DNAH5: variants seen among roughly 807,000 people sequenced by gnomAD.
DNAH5 encodes the protein dynein axonemal heavy chain 5, also known as axonemal beta dynein heavy chain 5.
A neutral mutation model predicts 518.2 loss-of-function variants in DNAH5; 372 were observed. The observed-to-expected ratio is 0.72, with a 90% CI of 0.66 to 0.78. DNAH5 has a LOEUF of 0.78. Among genes scored for constraint, DNAH5 ranks in the 30% least tolerant of loss-of-function variants. The pLI, the probability that DNAH5 is intolerant of heterozygous loss-of-function variation, is 0.00. For synonymous variants in DNAH5, 2,039 were observed against 2,025.9 expected (o/e 1.01, Z -0.17); for missense variants, 5,523 against 5,687.0 (o/e 0.97, Z 0.93).
intron 1 of DNAH5, among the ~76,000 whole-genome samples, chr5:13,941,181 C>T (rs1412950880): frequency 6.6e-6 from 1 of 152,078 alleles, no homozygotes; most frequent in Non-Finnish European, 1.5e-5. Context: ...AGCAAGACTC[C>T]ATCTCTACAA....
At chr5:13,901,988 A>C in intron 13 of DNAH5, 65 bp downstream of exon 13, 7 of 1,106,598 alleles carry the variant, frequency 6.3e-6, no homozygotes, top group Non-Finnish European at 9.3e-6. Flanking sequence ...TAATAATAGG[A>C]ATAACAACAA....
At chr5:13,776,729 C>A (rs199995725) in intron 54 of DNAH5, 23 bp from the exon 55 acceptor site, 2 of 1,612,614 alleles carry the variant, frequency 1.2e-6, no homozygotes, top group Non-Finnish European at 1.7e-6. Context: ...TACAGGCATG[C>A]AAATTCAGTA....
intron 76 of DNAH5, among the ~76,000 whole-genome samples, chr5:13,703,591 C>T (rs1742410013): frequency 6.6e-6 from 1 of 152,190 alleles, no homozygotes; most frequent in African/African-American, 2.4e-5. Flanking sequence ...CCCTGATGTC[C>T]ATTCCATTTC....
At chr5:13,876,982 A>G (rs537671537) in intron 21 of DNAH5, among the ~76,000 whole-genome samples, 165 bp from the exon 22 acceptor site, 1 of 152,166 alleles carries the variant, frequency 6.6e-6, no homozygotes, top group Non-Finnish European at 1.5e-5. Flanking sequence ...ACTTTTCAGG[A>G]CTCTGTAAAT....
chr5:13,989,700 A>T lies in DNAH5; in HGVS notation c.12+21948T>A, dbSNP rs577965089. ...GGGTTTCACCGTATTAGCCAGGATGATCTCGATCTCCTGACCTCGTAATCC... is the reference window on the plus strand; with the variant it reads ...GGGTTTCACCGTATTAGCCAGGATGTTCTCGATCTCCTGACCTCGTAATCC... On this transcript the variant is annotated intron_variant, in intron 1 of 78. Coordinates refer to the DNAH5 transcript ENST00000681290. Among the ~76,000 whole-genome samples the T allele has an allele frequency of 3.9e-5, 6 of 152,054 alleles. No homozygotes were observed. The East Asian group carries it at 1.2e-3, about 29-fold the overall frequency.
intron 1 of DNAH5, among the ~76,000 whole-genome samples, chr5:13,962,243 G>T (rs1781233830): frequency 6.6e-6 from 1 of 152,042 alleles, no homozygotes; most frequent in Admixed American, 6.6e-5. Flanking sequence ...CTGACTTATT[G>T]TATGTAAATT....
At chr5:13,824,580 G>C (rs907003162) in intron 38 of DNAH5, among the ~76,000 whole-genome samples, 2 of 152,146 alleles carry the variant, frequency 1.3e-5, no homozygotes, top group African/African-American at 4.8e-5. Flanking sequence ...AGCTGCTACA[G>C]CTTGGCAGGG....
In DNAH5 at chr5:13,897,885, C is replaced by T. The variant is rs566085486; in HGVS notation, c.2259+2321G>A. 5 of 152,288 alleles carry T rather than the reference C, an allele frequency of 3.3e-5. No homozygotes were observed. The East Asian group carries it at 9.7e-4, about 29-fold the overall frequency. The allele number at this position is 152,288 out of a possible 1,614,324, so 9.4% of individuals were successfully genotyped here. On this transcript the variant is annotated intron_variant, in intron 15 of 78. Coordinates refer to ENST00000265104, the MANE Select transcript of DNAH5 (RefSeq NM_001369.3). Reference sequence around the variant, plus strand: ...CCAACAGAGTACAACAGAGATGATGCTGTGAGACATCTGAGGCTATTATAA... The same window carrying T: ...CCAACAGAGTACAACAGAGATGATGTTGTGAGACATCTGAGGCTATTATAA...
chr5:13,901,065 G>A (rs750344247), intron 14 of DNAH5, among the ~76,000 whole-genome samples, 187 bp downstream of exon 14: 7 of 152,116 alleles, frequency 4.6e-5, no homozygotes, highest in Admixed American at 3.3e-4. Flanking sequence ...CCTGGCTTGT[G>A]GTTTCTTTTC....
intron 61 of DNAH5, among the ~76,000 whole-genome samples, chr5:13,755,950 T>C (rs1029261454): frequency 3.3e-5 from 5 of 152,116 alleles, no homozygotes; most frequent in African/African-American, 1.2e-4. Flanking sequence ...AAGGAGTAAA[T>C]GTTGACAATG....
chr5:13,791,520 T>C (rs556638679), intron 50 of DNAH5, among the ~76,000 whole-genome samples: 1 of 152,196 alleles, frequency 6.6e-6, no homozygotes, highest in African/African-American at 2.4e-5. Flanking sequence ...GTGCATCCAG[T>C]TACATGGAAA....
intron 10 of DNAH5, 39 bp from the exon 11 acceptor site, chr5:13,913,997 G>T (rs778510735): frequency 1.1e-5 from 17 of 1,602,108 alleles, no homozygotes; most frequent in Non-Finnish European, 1.4e-5. Flanking sequence ...AAGGGAACAA[G>T]AAAGGTATCA....
chr5:13,705,660 C>T (rs561784998), intron 76 of DNAH5, among the ~76,000 whole-genome samples: 3 of 152,242 alleles, frequency 2.0e-5, no homozygotes, highest in East Asian at 3.9e-4. Flanking sequence ...CACCTAACAA[C>T]GTGATCTTAT....
chr5:13,931,342 G>C (rs1778401584), intron 1 of DNAH5, 98 bp from the exon 2 acceptor site: 1 of 1,468,896 alleles, frequency 6.8e-7, no homozygotes, highest in African/African-American at 1.4e-5. Context: ...TCAAGTCTTA[G>C]GTATCCAGAT....
chr5:13,839,841 T>G (rs1393113140), intron 34 of DNAH5, among the ~76,000 whole-genome samples: 2 of 152,352 alleles, frequency 1.3e-5, no homozygotes, highest in East Asian at 3.9e-4. Flanking sequence ...AATGCCATAG[T>G]CCTCACCATG....
chr5:13,903,681 A>G (rs992071983), intron 12 of DNAH5, among the ~76,000 whole-genome samples: 50 of 152,118 alleles, frequency 3.3e-4, no homozygotes, highest in African/African-American at 1.2e-3. Flanking sequence ...GGAGAACAAT[A>G]GCCGACAAAA....
intron 71 of DNAH5, among the ~76,000 whole-genome samples, chr5:13,719,862 G>A (rs565336950): frequency 6.6e-5 from 10 of 152,258 alleles, no homozygotes; most frequent in African/African-American, 1.9e-4. Context: ...AGAAGAGAAA[G>A]AGCCTTAGAA....
In DNAH5 at chr5:13,809,132, G is replaced by T. The variant is rs1310286446; in HGVS notation, c.7664C>A (p.Thr2555Asn). ...CAGAATAGAACCATACTCTGGGGTGGTATCAGACGGATACAGGTATTCCTG... is the reference window on the plus strand; with the variant it reads ...CAGAATAGAACCATACTCTGGGGTGTTATCAGACGGATACAGGTATTCCTG... ...RTQEYLYPSD[T>N]TPEYGSILVP... Residue 2555 changes from threonine (T) to asparagine (N), a missense_variant, in exon 46 of 79, where the codon ACC (threonine) becomes AAC (asparagine). By Grantham distance (65) the Thr-to-Asn change is moderately conservative. This residue lies in a region of DNAH5 where 5,121 missense variants were observed against 5,223.3 expected (regional missense o/e 0.98). Coordinates refer to ENST00000265104, the MANE Select transcript of DNAH5 (RefSeq NM_001369.3). The T allele has an allele frequency of 4.3e-6, 7 of 1,614,136 alleles. No homozygotes were observed. Among genetic ancestry groups the T allele is most frequent in the Non-Finnish European group, 5.9e-6 (7 of 1,180,022 alleles).
chr5:13,788,925 T>A lies in DNAH5; in HGVS notation c.8449-11A>T. 6.2e-7 allele frequency: 1 copy of A among 1,613,166 alleles called. No individual in the cohort carries two copies. Among genetic ancestry groups the A allele is most frequent in the Non-Finnish European group, 8.5e-7 (1 of 1,179,244 alleles). The stretch of plus-strand genomic sequence containing the variant: ...CAGCTTTAACAGATCCTGTTGAAAG[T>A]ATAATTAAAATGTGTTAGTAATTCC... On this transcript the variant is annotated splice_polypyrimidine_tract_variant and intron_variant, in intron 50 of 78. Transcript: ENST00000265104.
Sources: allele counts gnomAD v4.1 joint callset (sites outside exome capture counted in the v4.1 genomes callset), GRCh38; gene constraint gnomAD v4.1.1; regional missense constraint gnomAD v4.1.1; transcripts MANE v1.5; gene names NCBI Gene and HGNC (gene_info 2026-07-23, HGNC 2026-07-21).